Variants in KCNIP4 observed in about 807,000 individuals in gnomAD.
The protein encoded by KCNIP4 is potassium voltage-gated channel interacting protein 4.
A neutral mutation model predicts 34.0 loss-of-function variants in KCNIP4; 12 were observed. That is an observed-to-expected ratio of 0.35 (90% CI 0.23 to 0.57). KCNIP4 has a LOEUF of 0.57. Ranked by LOEUF, KCNIP4 falls within the 20% of genes least tolerant of loss-of-function variation. The pLI, the probability that KCNIP4 is intolerant of heterozygous loss-of-function variation, is 0.83. For synonymous variants in KCNIP4, 124 were observed against 102.2 expected, an observed-to-expected ratio of 1.21 and a Z score of -1.29; for missense variants, 238 against 311.7, an observed-to-expected ratio of 0.76 and a Z score of 1.78.
chr4:21,214,459 C>T (rs575253344), intron 1 of KCNIP4, among the ~76,000 whole-genome samples: 1 of 152,224 alleles, frequency 6.6e-6, no homozygotes, highest in African/African-American at 2.4e-5. Context: ...ATGAAATTTC[C>T]TATTTTTACT....
At chr4:21,212,359 G>A (rs1405537595) in intron 1 of KCNIP4, among the ~76,000 whole-genome samples, 2 of 152,132 alleles carry the variant, frequency 1.3e-5, no homozygotes, top group African/African-American at 2.4e-5. Flanking sequence ...AAAAGATTAG[G>A]TAATTTCTCT....
In KCNIP4 at chr4:21,879,056, T is replaced by G. The variant is rs9918083; in HGVS notation, c.61+69515A>C. On this transcript the variant is annotated intron_variant, in intron 1 of 8. Coordinates refer to ENST00000382152, the MANE Select transcript of KCNIP4 (RefSeq NM_025221.6). ...GATTATCATGTGCTGCCTACATTTT[T>G]GGGTAGAGCTCTTTCTTTCATAAAA... Among the ~76,000 whole-genome samples, 737 of 152,314 alleles carry G rather than the reference T, an allele frequency of 4.8e-3. 12 individuals carry two copies. The highest frequency in any genetic ancestry group is 0.017 in the African/African-American group (703 of 41,578).
Position 21,823,838 on chromosome 4 carries a change from A to G in KCNIP4, c.61+124733T>C, listed in dbSNP as rs187986048. ...TAAATCACACACATAAAAAAAAATG[A>G]CCACCGATTTTTCCCATTCCTGTAT... On this transcript the variant is annotated intron_variant, in intron 1 of 8. Coordinates refer to ENST00000382152, the MANE Select transcript of KCNIP4 (RefSeq NM_025221.6). 3.2e-4 allele frequency among the ~76,000 whole-genome samples: 49 copies of G among 152,286 alleles called. No individual in the cohort carries two copies. The East Asian group carries it at 9.3e-3, about 29-fold the overall frequency.
intron 1 of KCNIP4, among the ~76,000 whole-genome samples, chr4:21,550,300 C>T (rs1440493500): frequency 2.0e-5 from 3 of 152,050 alleles, no homozygotes; most frequent in Non-Finnish European, 4.4e-5. Context: ...TGACTATTAA[C>T]ATTGGAAGCA....
chr4:20,807,925 A>G (rs1317152097), intron 3 of KCNIP4, among the ~76,000 whole-genome samples: 1 of 152,178 alleles, frequency 6.6e-6, no homozygotes, highest in Non-Finnish European at 1.5e-5. Flanking sequence ...CAAGTTTCAC[A>G]GGGCCCTTTT....
chr4:21,207,522 C>A (rs1344918170), intron 1 of KCNIP4, among the ~76,000 whole-genome samples: 2 of 152,104 alleles, frequency 1.3e-5, no homozygotes, highest in African/African-American at 4.8e-5. Context: ...AAACAATAAA[C>A]CATCTAGTAG....
At chr4:21,556,494 A>T (rs138246433) in intron 1 of KCNIP4, among the ~76,000 whole-genome samples, 1 of 152,268 alleles carries the variant, frequency 6.6e-6, no homozygotes, top group East Asian at 1.9e-4. Flanking sequence ...CAAGGATGAC[A>T]TGGGACTTTG....
chr4:21,817,622 C>A (rs13144095), intron 1 of KCNIP4, among the ~76,000 whole-genome samples: 11,911 of 152,002 alleles, frequency 0.078, 539 homozygotes, highest in Middle Eastern at 0.13. Flanking sequence ...GTATTAATAC[C>A]CTGGGAAAGG....
chr4:20,775,797 G>C (rs1374198561), intron 3 of KCNIP4, among the ~76,000 whole-genome samples: 2 of 152,096 alleles, frequency 1.3e-5, no homozygotes, highest in Non-Finnish European at 2.9e-5. Flanking sequence ...CTGTACTACT[G>C]AAAGTGCTAA....
At chr4:20,730,252 T>C in intron 8 of KCNIP4, 123 bp from the exon 9 acceptor site, 1 of 1,234,666 alleles carries the variant, frequency 8.1e-7, no homozygotes, top group Non-Finnish European at 1.1e-6. Context: ...AAAGCTCAAA[T>C]ATTAAGTGTT....
intron 1 of KCNIP4, among the ~76,000 whole-genome samples, chr4:20,884,381 T>C (rs1394492839): frequency 1.3e-5 from 2 of 152,074 alleles, no homozygotes; most frequent in Non-Finnish European, 2.9e-5. Flanking sequence ...TAAATGTCCT[T>C]AATATTTCCC....
At chr4:21,299,577 C>T (rs1764042053) in intron 1 of KCNIP4, among the ~76,000 whole-genome samples, 1 of 152,112 alleles carries the variant, frequency 6.6e-6, no homozygotes, top group Non-Finnish European at 1.5e-5. Flanking sequence ...TCTGATACCC[C>T]AAAACACATA....
intron 1 of KCNIP4, among the ~76,000 whole-genome samples, chr4:20,942,396 A>G (rs1222543225): frequency 6.6e-6 from 1 of 152,216 alleles, no homozygotes; most frequent in African/African-American, 2.4e-5. Context: ...TCTCTGACCC[A>G]AAGTCTGTGC....
intron 1 of KCNIP4, among the ~76,000 whole-genome samples, chr4:21,766,452 A>ATC (rs1718423317): frequency 6.6e-6 from 1 of 152,052 alleles, no homozygotes; most frequent in Admixed American, 6.6e-5. Context: ...TGGGCTTCCA[A>ATC]TCTCTGTTCC....
At chr4:21,859,607 G>A (rs1242840013) in intron 1 of KCNIP4, among the ~76,000 whole-genome samples, 3 of 146,670 alleles carry the variant, frequency 2.0e-5, no homozygotes, top group African/African-American at 4.9e-5. Flanking sequence ...CAGCCTGGGC[G>A]ACAGAGCAAG....
intron 3 of KCNIP4, among the ~76,000 whole-genome samples, chr4:20,777,879 A>G (rs1348268232): frequency 1.3e-5 from 2 of 152,230 alleles, no homozygotes; most frequent in Admixed American, 1.3e-4. Context: ...CCTTTAGCAC[A>G]TAGGTATAGA....
chr4:21,167,972 C>A (rs1202427303), intron 1 of KCNIP4, among the ~76,000 whole-genome samples: 1 of 152,158 alleles, frequency 6.6e-6, no homozygotes, highest in East Asian at 1.9e-4. Context: ...CACCTCAGTG[C>A]CCTCAGGAAA....
At chr4:20,936,693 C>T (rs980998132) in intron 1 of KCNIP4, among the ~76,000 whole-genome samples, 2 of 152,000 alleles carry the variant, frequency 1.3e-5, no homozygotes, top group Admixed American at 1.3e-4. Flanking sequence ...TTGCATATGT[C>T]TGTATCCTGA....
At chr4:20,775,038 A>G (rs1756255872) in intron 3 of KCNIP4, among the ~76,000 whole-genome samples, 1 of 151,956 alleles carries the variant, frequency 6.6e-6, no homozygotes, top group African/African-American at 2.4e-5. Flanking sequence ...TTGAATTTTT[A>G]CCTCTGGTTT....
Sources: allele counts gnomAD v4.1 joint callset (sites outside exome capture counted in the v4.1 genomes callset), GRCh38; gene constraint gnomAD v4.1.1; transcripts MANE v1.5; gene names NCBI Gene and HGNC (gene_info 2026-07-23, HGNC 2026-07-21).